The following ASB17 variants were observed in gnomAD, a reference collection of about 807,000 sequenced individuals.
The protein encoded by ASB17 is ankyrin repeat and SOCS box protein 17.
In ASB17, 26 loss-of-function variants were observed where a neutral mutation model predicts 25.7. The ratio of observed to expected loss-of-function variants is 1.01; its 90% CI spans 0.74 to 1.40. ASB17 has a LOEUF of 1.40. Among genes scored for constraint, ASB17 ranks in the 40% most tolerant of loss-of-function variants. ASB17 has a pLI of 0.00. For missense variants in ASB17, 326 were observed against 338.5 expected, an observed-to-expected ratio of 0.96 and a Z score of 0.29; for synonymous variants, 128 against 121.4, an observed-to-expected ratio of 1.05 and a Z score of -0.36.
chr1:75,919,077 C>T lies in ASB17; in HGVS notation c.763G>A (p.Glu255Lys), dbSNP rs1652958582. Residue 255 changes from glutamate (E) to lysine (K), a missense_variant, in exon 3 of 3, where the codon GAA becomes AAA. Coordinates refer to ENST00000284142, the MANE Select transcript of ASB17 (RefSeq NM_080868.3). ...IPSTRYKDPC[E>K]LLHLCRLTIR... ...GTTAGTCTGCAAAGATGTAATAGTT[C>T]ACATGGATCTTTGTATCTTGTTGAA... is the stretch of plus-strand genomic sequence containing the variant. 17 of 1,612,488 alleles carry T rather than the reference C, an allele frequency of 1.1e-5. No homozygotes were observed. The highest frequency in any genetic ancestry group is 1.4e-5 in the Non-Finnish European group (16 of 1,178,830).
At chr1:75,923,674 T>C (rs1770892) in intron 1 of ASB17, among the ~76,000 whole-genome samples, 43,320 of 152,052 alleles carry the variant, frequency 0.28, 6,471 homozygotes, top group Middle Eastern at 0.36. Flanking sequence ...GAAAGACTTA[T>C]GCAAAAAGGG....
intron 1 of ASB17, among the ~76,000 whole-genome samples, chr1:75,929,620 G>A (rs992372038): frequency 1.3e-5 from 2 of 152,108 alleles, no homozygotes; most frequent in Non-Finnish European, 2.9e-5. Context: ...TGGTTGATAT[G>A]AGCCATTTTG....
rs1653324164 is a variant in ASB17, at chr1:75,931,663, T to TTA, written c.401+227_401+228insTA. Among the ~76,000 whole-genome samples, 3 of 152,162 alleles carry TTA rather than the reference T, an allele frequency of 2.0e-5. No homozygotes were observed. In the East Asian group the frequency reaches 5.8e-4, roughly 29 times the overall value. On this transcript the variant is annotated intron_variant, in intron 1 of 2. Transcript: ENST00000284142. ...TTGTTTAGCACTAACATGTAAGCTG[T>TTA]GTAGAGCAGAATCACTAATGATTTA... is the stretch of plus-strand genomic sequence containing the variant.
intron 1 of ASB17, among the ~76,000 whole-genome samples, chr1:75,924,317 C>G (rs977748254): frequency 1.3e-5 from 2 of 151,964 alleles, no homozygotes; most frequent in African/African-American, 4.8e-5. Context: ...GAGCCCTTAC[C>G]CCCTGCTGGA....
In ASB17 at chr1:75,932,132, T is replaced by A. The variant is rs778717349; in HGVS notation, c.160A>T (p.Ile54Phe). The change falls in exon 1 of 3, where the codon ATT becomes TTT. Residue 54 changes from isoleucine to phenylalanine, a missense_variant. Ile to Phe is a conservative substitution (Grantham distance 21). Transcript: ENST00000284142. The part of the protein sequence containing the change: ...EPRIYRSLAK[I>F]LRYVDLDGFD... ...CCATCCAAGTCCACATACCTCAGAA[T>A]TTTTGCCAGTGATCTGTAAATCCTT... The A allele has an allele frequency of 2.5e-6, 4 of 1,614,008 alleles. No individual in the cohort carries two copies. The highest frequency in any genetic ancestry group is 1.3e-5 in the African/African-American group (1 of 74,910).
At position 75,922,368 on chromosome 1, in the gene ASB17, TAAACA is replaced by T. The variant is rs1347423926; in HGVS notation, c.402-14_402-10del. 4 of 1,545,006 alleles carry T rather than the reference TAAACA, an allele frequency of 2.6e-6. No individual in the cohort carries two copies. Among genetic ancestry groups the T allele is most frequent in the Non-Finnish European group, 3.5e-6 (4 of 1,147,390 alleles). ...ATACTGGTGTGAAAGTTCTGTGAATTAAACAAAACAAAAACTCATTGGATATAGAA... is the reference window on the plus strand; with the variant it reads ...ATACTGGTGTGAAAGTTCTGTGAATTAAACAAAAACTCATTGGATATAGAA... On this transcript the variant is annotated splice_polypyrimidine_tract_variant and intron_variant, in intron 1 of 2. Transcript: ENST00000284142.
chr1:75,932,029 T>C lies in ASB17; in HGVS notation c.263A>G (p.Asp88Gly), dbSNP rs1571021761. 6.2e-7 allele frequency: 1 copy of C among 1,614,050 alleles called. No homozygotes were observed. Among genetic ancestry groups the C allele is most frequent in the Admixed American group, 1.7e-5 (1 of 60,000 alleles). The change falls in exon 1 of 3, where the codon GAC becomes GGC. Residue 88 changes from aspartate to glycine, a missense_variant. Physicochemically the swap from Asp to Gly is moderately conservative, Grantham distance 94. Coordinates refer to ENST00000284142, the MANE Select transcript of ASB17 (RefSeq NM_080868.3). Reference protein sequence around the residue: ...GYRFEVSFNLDFTEICVNTIL... With the variant: ...GYRFEVSFNLGFTEICVNTIL... ...TGTATTCACACATATTTCAGTGAAG[T>C]CGAGGTTAAAACTTACTTCAAAACG...
chr1:75,925,313 G>C (rs911918891), intron 1 of ASB17, among the ~76,000 whole-genome samples: 5 of 152,014 alleles, frequency 3.3e-5, no homozygotes, highest in Non-Finnish European at 7.4e-5. Flanking sequence ...TTTGACTTAA[G>C]AACCTTATAA....
At chr1:75,925,030 A>C (rs1008968523) in intron 1 of ASB17, among the ~76,000 whole-genome samples, 1 of 152,156 alleles carries the variant, frequency 6.6e-6, no homozygotes, top group African/African-American at 2.4e-5. Flanking sequence ...AACAATCTAC[A>C]AAAGTGGAAG....
intron 1 of ASB17, 72 bp downstream of exon 1, chr1:75,931,819 G>GA (rs2100617718): frequency 7.1e-7 from 1 of 1,404,406 alleles, no homozygotes; most frequent in East Asian, 2.4e-5. Flanking sequence ...GTGAGTTTTA[G>GA]AAAAAAGAAG....
Position 75,932,310 on chromosome 1 carries a change from T to C in ASB17, c.-19A>G, listed in dbSNP as rs1172199663. On this transcript the variant is annotated 5_prime_UTR_variant, in exon 1 of 3. Transcript: ENST00000284142. ...TACTCATTGTTACTTATAGCAGCAC[T>C]GTAGAAATAAAATCAGAGGTAAGCA... is the stretch of plus-strand genomic sequence containing the variant. 1 of 1,566,380 alleles carries C rather than the reference T, an allele frequency of 6.4e-7. No homozygotes were observed. The highest frequency in any genetic ancestry group is 1.9e-5 in the Admixed American group (1 of 53,252).
chr1:75,924,380 T>C (rs1054870229), intron 1 of ASB17, among the ~76,000 whole-genome samples: 4 of 152,124 alleles, frequency 2.6e-5, no homozygotes, highest in South Asian at 2.1e-4. Flanking sequence ...GACCAACTAG[T>C]TTATCTGCAA....
At chr1:75,925,385 A>T (rs1653144043) in intron 1 of ASB17, among the ~76,000 whole-genome samples, 1 of 152,146 alleles carries the variant, frequency 6.6e-6, no homozygotes, top group South Asian at 2.1e-4. Flanking sequence ...ATTAAGATTT[A>T]GAGATATTTG....
chr1:75,923,477 T>A (rs967895065), intron 1 of ASB17, among the ~76,000 whole-genome samples: 4 of 152,216 alleles, frequency 2.6e-5, no homozygotes, highest in African/African-American at 9.6e-5. Flanking sequence ...TGTTGTGGTG[T>A]CCTTGACCAC....
chr1:75,931,299 A>G (rs1653315413), intron 1 of ASB17, among the ~76,000 whole-genome samples: 2 of 152,200 alleles, frequency 1.3e-5, no homozygotes, highest in Admixed American at 1.3e-4. Flanking sequence ...AAGAGGATAC[A>G]TTGGAGATTT....
chr1:75,927,911 CT>C (rs1426433525), intron 1 of ASB17, among the ~76,000 whole-genome samples: 1 of 152,152 alleles, frequency 6.6e-6, no homozygotes, highest in Non-Finnish European at 1.5e-5. Flanking sequence ...CAATTCCAGT[CT>C]TCATTTCTCT....
At chr1:75,920,335 C>A (rs542088659) in intron 2 of ASB17, among the ~76,000 whole-genome samples, 1 of 152,310 alleles carries the variant, frequency 6.6e-6, no homozygotes, top group East Asian at 1.9e-4. Context: ...TCCACTAGAA[C>A]ATATACTCCA....
In ASB17 at chr1:75,931,890, C is replaced by A. The variant is rs567753897; in HGVS notation, c.401+1G>T. On this transcript the variant is annotated splice_donor_variant, in intron 1 of 2. Coordinates refer to ENST00000284142, the MANE Select transcript of ASB17 (RefSeq NM_080868.3). LOFTEE classifies it high-confidence loss of function. ...ATAGTGAAAACATATGAAATTATTA[C>A]CTCCATATCAGTGCCAGGTTACAAC... The A allele has an allele frequency of 2.0e-4, 317 of 1,566,522 alleles. 4 individuals are homozygous for A. In the South Asian group the frequency reaches 3.4e-3, roughly 17 times the overall value.
At chr1:75,931,497 A>T (rs1337184210) in intron 1 of ASB17, among the ~76,000 whole-genome samples, 1 of 152,198 alleles carries the variant, frequency 6.6e-6, no homozygotes. Context: ...AAGTATTACT[A>T]TGTGAAGATG....
Sources: gnomAD v4.1 joint callset for allele counts (sites outside exome capture counted in the v4.1 genomes callset) on GRCh38, gnomAD v4.1.1 for gene constraint, MANE v1.5 for transcripts, NCBI Gene and HGNC (gene_info 2026-07-23, HGNC 2026-07-21) for gene names.